SGIP1: variants seen among roughly 807,000 people sequenced by gnomAD.
SGIP1 encodes the protein SH3-containing GRB2-like protein 3-interacting protein 1.
Under a neutral mutation model 107.5 loss-of-function variants are expected in SGIP1, and 38 were observed. The observed-to-expected ratio is 0.35, with a 90% CI of 0.27 to 0.46. The LOEUF is 0.46. Ranked by LOEUF, SGIP1 falls within the 20% of genes least tolerant of loss-of-function variation. The pLI is 1.00. For synonymous variants in SGIP1, 365 were observed against 366.1 expected, an observed-to-expected ratio of 1.00 and a Z score of 0.03; for missense variants, 929 against 1,019.5, an observed-to-expected ratio of 0.91 and a Z score of 1.21.
At chr1:66,642,465 G>A (rs151120293) in intron 5 of SGIP1, among the ~76,000 whole-genome samples, 145 of 152,160 alleles carry the variant, frequency 9.5e-4, no homozygotes, top group African/African-American at 2.6e-3. Context: ...TTTACCTACC[G>A]AAACACACTT....
chr1:66,603,770 C>A (rs1558040137), intron 1 of SGIP1, among the ~76,000 whole-genome samples: 1 of 152,136 alleles, frequency 6.6e-6, no homozygotes, highest in Non-Finnish European at 1.5e-5. Context: ...TTTGATAGAT[C>A]TATGTCTAAA....
At chr1:66,720,160 T>C (rs2150442625) in intron 19 of SGIP1, among the ~76,000 whole-genome samples, 1 of 152,328 alleles carries the variant, frequency 6.6e-6, no homozygotes, top group East Asian at 1.9e-4. Flanking sequence ...TTGTGTATTT[T>C]ATGTGTGTGC....
chr1:66,619,120 CCAGAGCTCTAGG>C (rs1558090398), intron 1 of SGIP1, among the ~76,000 whole-genome samples: 1 of 152,152 alleles, frequency 6.6e-6, no homozygotes, highest in African/African-American at 2.4e-5. Context: ...CTCTTCTTCT[CCAGAGCTCTAGG>C]TCACTCCTAG....
In SGIP1 at chr1:66,750,515, A is replaced by G. The variant is rs757672395; in HGVS notation, c.*7420A>G. Among the ~76,000 whole-genome samples the G allele has an allele frequency of 1.3e-5, 2 of 152,220 alleles. No individual in the cohort carries two copies. Among genetic ancestry groups the G allele is most frequent in the South Asian group, 4.1e-4 (2 of 4,834 alleles). ...TCTTTGATCTATGTAGCAAAAATACACTAAATTTCTTTTTAATCTTGTACT... is the reference window on the plus strand; with the variant it reads ...TCTTTGATCTATGTAGCAAAAATACGCTAAATTTCTTTTTAATCTTGTACT... On this transcript the variant is annotated 3_prime_UTR_variant, in exon 25 of 25. Transcript: ENST00000371037.
intron 1 of SGIP1, among the ~76,000 whole-genome samples, chr1:66,539,206 T>TG (rs1261194721): frequency 1.3e-5 from 2 of 152,152 alleles, no homozygotes; most frequent in Admixed American, 6.6e-5. Context: ...AAGTCCCATT[T>TG]GGAGAAATTA....
At chr1:66,729,492 T>G in intron 20 of SGIP1, 73 bp downstream of exon 20, 2 of 1,565,548 alleles carry the variant, frequency 1.3e-6, no homozygotes, top group Non-Finnish European at 1.7e-6. Context: ...GAGGGATATA[T>G]CTTAGCAACA....
intron 23 of SGIP1, 99 bp from the exon 24 acceptor site, chr1:66,741,173 C>G (rs2150756640): frequency 8.0e-7 from 1 of 1,251,852 alleles, no homozygotes; most frequent in Non-Finnish European, 1.1e-6. Flanking sequence ...GTCAAAGAAT[C>G]ATGTCTGATT....
chr1:66,726,229 C>T (rs990460818), intron 19 of SGIP1, among the ~76,000 whole-genome samples: 1 of 152,200 alleles, frequency 6.6e-6, no homozygotes, highest in Non-Finnish European at 1.5e-5. Context: ...CCTGCAATGT[C>T]TCTCTAGCGC....
At chr1:66,543,294 G>A (rs931983769) in intron 1 of SGIP1, among the ~76,000 whole-genome samples, 14 of 151,914 alleles carry the variant, frequency 9.2e-5, no homozygotes, top group Admixed American at 2.0e-4. Context: ...TTTTTTCCCT[G>A]AGGAGGACAG....
At chr1:66,681,370 G>C (rs1292430425) in intron 14 of SGIP1, among the ~76,000 whole-genome samples, 2 of 152,274 alleles carry the variant, frequency 1.3e-5, no homozygotes, top group African/African-American at 4.8e-5. Context: ...CCAAAGTCTT[G>C]ATTTAATATA....
chr1:66,539,545 T>C lies in SGIP1; in HGVS notation c.10+5177T>C, dbSNP rs150932294. 3.8e-3 allele frequency among the ~76,000 whole-genome samples: 584 copies of C among 152,334 alleles called. 17 individuals are homozygous for C. The East Asian group carries it at 0.04, about 10-fold the overall frequency. On this transcript the variant is annotated intron_variant, in intron 1 of 24. Transcript: ENST00000371037. The stretch of plus-strand genomic sequence containing the variant: ...TGACTTCCTTGTTTAAGAAAACTTC[T>C]ATATCTTCCCATTTCTCTTAAAATC...
chr1:66,711,513 A>G (rs112688794), intron 18 of SGIP1, among the ~76,000 whole-genome samples: 4 of 152,172 alleles, frequency 2.6e-5, no homozygotes, highest in African/African-American at 9.7e-5. Context: ...CCTAATTCTA[A>G]CTAATATAAT....
chr1:66,581,355 A>T (rs1397002643), intron 1 of SGIP1, among the ~76,000 whole-genome samples: 1 of 152,058 alleles, frequency 6.6e-6, no homozygotes, highest in Non-Finnish European at 1.5e-5. Flanking sequence ...GGGTAATAAT[A>T]TCCCTAGCTC....
Position 66,534,286 on chromosome 1 carries a change from G to T in SGIP1, c.-73G>T. On this transcript the variant is annotated 5_prime_UTR_variant, in exon 1 of 25. Coordinates refer to ENST00000371037, the MANE Select transcript of SGIP1 (RefSeq NM_032291.4). ...TCAGCAGCGGCGTGGTGAGGACTTA[G>T]CTGGGACCTGGAATCGTATCCTCCT... The T allele has an allele frequency of 6.4e-7, 1 of 1,550,962 alleles. No individual in the cohort carries two copies. Among genetic ancestry groups the T allele is most frequent in the Non-Finnish European group, 8.9e-7 (1 of 1,122,636 alleles).
intron 18 of SGIP1, among the ~76,000 whole-genome samples, chr1:66,708,981 ATTTT>A (rs1320785772): frequency 6.7e-6 from 1 of 150,360 alleles, no homozygotes; most frequent in African/African-American, 2.4e-5. Flanking sequence ...AATCATTCGA[ATTTT>A]TTTTTCTGTT....
chr1:66,637,281 T>A (rs1439377179), intron 4 of SGIP1, among the ~76,000 whole-genome samples: 1 of 152,178 alleles, frequency 6.6e-6, no homozygotes, highest in Admixed American at 6.5e-5. Context: ...CCTTTCTCAA[T>A]GGTTAAACCA....
At chr1:66,567,619 G>C (rs2059826654) in intron 1 of SGIP1, among the ~76,000 whole-genome samples, 1 of 152,102 alleles carries the variant, frequency 6.6e-6, no homozygotes, top group Non-Finnish European at 1.5e-5. Flanking sequence ...TTTTCTTCTA[G>C]GGTTTTTATG....
chr1:66,595,928 G>C (rs2064577082), intron 1 of SGIP1, among the ~76,000 whole-genome samples: 1 of 152,154 alleles, frequency 6.6e-6, no homozygotes, highest in Non-Finnish European at 1.5e-5. Flanking sequence ...AGGGGGAGGA[G>C]GAAGGTGGCC....
At chr1:66,542,549 C>T (rs1463744292) in intron 1 of SGIP1, among the ~76,000 whole-genome samples, 2 of 152,098 alleles carry the variant, frequency 1.3e-5, no homozygotes, top group Non-Finnish European at 1.5e-5. Context: ...TGACTAAGAG[C>T]AGGTAGTGTA....
Sources: allele counts gnomAD v4.1 joint callset (sites outside exome capture counted in the v4.1 genomes callset), GRCh38; gene constraint gnomAD v4.1.1; transcripts MANE v1.5; gene names NCBI Gene and HGNC (gene_info 2026-07-23, HGNC 2026-07-21).